The following FOXP1 variants were observed in gnomAD, a reference collection of about 807,000 sequenced individuals.
FOXP1 encodes forkhead box P1.
A neutral mutation model predicts 98.2 loss-of-function variants in FOXP1; 15 were observed. The ratio of observed to expected loss-of-function variants is 0.15; its 90% CI spans 0.10 to 0.24. The LOEUF (loss-of-function observed/expected upper bound fraction) is 0.24. Ranked by LOEUF, FOXP1 falls within the 10% of genes least tolerant of loss-of-function variation. The pLI is 1.00. For missense variants in FOXP1, 633 were observed against 848.5 expected (o/e 0.75, Z 3.15); for synonymous variants, 371 against 314.5 (o/e 1.18, Z -1.90).
At chr3:71,360,925 G>C (rs970928097) in intron 3 of FOXP1, among the ~76,000 whole-genome samples, 1 of 152,198 alleles carries the variant, frequency 6.6e-6, no homozygotes, top group African/African-American at 2.4e-5. Context: ...AGAGTTAAGA[G>C]ATGGTGTTCC....
chr3:71,219,234 A>G (rs996511199), intron 5 of FOXP1, among the ~76,000 whole-genome samples: 3 of 152,150 alleles, frequency 2.0e-5, no homozygotes, highest in Admixed American at 1.3e-4. Flanking sequence ...TGCAACTCCT[A>G]GTCTGGCCAT....
intron 2 of FOXP1, among the ~76,000 whole-genome samples, chr3:71,497,202 C>A (rs185187497): frequency 1.3e-5 from 2 of 152,066 alleles, no homozygotes; most frequent in Non-Finnish European, 2.9e-5. Context: ...CCCCCACCCG[C>A]CTACGTAGAA....
rs866245092 is a variant in FOXP1, at chr3:71,015,571, C to T, written c.952G>A (p.Glu318Lys). 6 of 1,611,582 alleles carry T rather than the reference C, an allele frequency of 3.7e-6. No homozygotes were observed. Among genetic ancestry groups the T allele is most frequent in the Admixed American group, 1.7e-5 (1 of 59,948 alleles). Residue 318 changes from glutamate to lysine, a missense_variant, in exon 12 of 21, where the codon GAA (glutamate) becomes AAA (lysine). Glu to Lys is a moderately conservative substitution (Grantham distance 56, BLOSUM62 1). This residue lies in a region of FOXP1 where 23 missense variants were observed against 92.9 expected (regional missense o/e 0.25). Transcript: ENST00000649528. ...CKWPGCEAVC[E>K]DFQSFLKHLN... is the part of the protein sequence containing the mutation. ...TACTTTAGAAATGATTGGAAATCTT[C>T]GCACACTGCTTCACAGCCTGGCCAC...
chr3:70,995,016 C>T (rs1261184757), intron 13 of FOXP1, among the ~76,000 whole-genome samples: 1 of 152,000 alleles, frequency 6.6e-6, no homozygotes, highest in Non-Finnish European at 1.5e-5. Context: ...TCAATTCTGT[C>T]AGATGTTTTT....
At chr3:70,984,722 G>A (rs2039441183) in intron 14 of FOXP1, among the ~76,000 whole-genome samples, 1 of 152,080 alleles carries the variant, frequency 6.6e-6, no homozygotes, top group South Asian at 2.1e-4. Context: ...AGATGTGATA[G>A]CAAGCAGGAA....
chr3:71,199,763 G>T (rs1048665644), intron 5 of FOXP1, among the ~76,000 whole-genome samples: 2 of 150,492 alleles, frequency 1.3e-5, no homozygotes, highest in Non-Finnish European at 3.0e-5. Context: ...AAAAAATAGG[G>T]TGCAAAATGA....
intron 12 of FOXP1, among the ~76,000 whole-genome samples, chr3:71,014,896 A>G (rs2044214399): frequency 6.6e-6 from 1 of 152,152 alleles, no homozygotes; most frequent in Non-Finnish European, 1.5e-5. Context: ...CAAGGACAGA[A>G]AACCAAACAC....
chr3:71,349,406 C>T (rs919825062), intron 4 of FOXP1, among the ~76,000 whole-genome samples: 1 of 152,156 alleles, frequency 6.6e-6, no homozygotes, highest in Non-Finnish European at 1.5e-5. Context: ...CACAGTGATG[C>T]TTCTACACTG....
chr3:70,990,112 T>C (rs990731610), intron 13 of FOXP1, among the ~76,000 whole-genome samples: 1 of 152,214 alleles, frequency 6.6e-6, no homozygotes, highest in African/African-American at 2.4e-5. Flanking sequence ...GGAACCTCAA[T>C]TGTACCACCC....
At chr3:71,456,172 T>C (rs946306029) in intron 3 of FOXP1, among the ~76,000 whole-genome samples, 6 of 152,202 alleles carry the variant, frequency 3.9e-5, no homozygotes, top group African/African-American at 1.2e-4. Context: ...AGCAAAGATA[T>C]ATGGGGCATA....
chr3:71,569,048 T>C (rs371253893), intron 2 of FOXP1, among the ~76,000 whole-genome samples: 3 of 152,346 alleles, frequency 2.0e-5, no homozygotes, highest in African/African-American at 7.2e-5. Context: ...GAGACCTGGT[T>C]GTCCTAGATT....
intron 2 of FOXP1, among the ~76,000 whole-genome samples, chr3:71,553,265 T>C (rs1457235078): frequency 1.3e-5 from 2 of 152,158 alleles, no homozygotes; most frequent in African/African-American, 2.4e-5. Flanking sequence ...CTGAATATCT[T>C]TGACAAATAT....
intron 6 of FOXP1, among the ~76,000 whole-genome samples, chr3:71,189,906 G>C (rs2062862513): frequency 6.6e-6 from 1 of 152,228 alleles, no homozygotes; most frequent in African/African-American, 2.4e-5. Flanking sequence ...AAGGGATTCA[G>C]ATGGAGGAGG....
chr3:71,051,550 A>C lies in FOXP1; in HGVS notation c.510+987T>G, dbSNP rs1200015172. ...GTAAGACTCCCTGCAAAAGAACAAA[A>C]GTGGCCACCTGCTTAGGGCTGGTGA... On this transcript the variant is annotated intron_variant, in intron 9 of 20. Transcript: ENST00000649528. Among the ~76,000 whole-genome samples the C allele has an allele frequency of 3.9e-5, 6 of 152,202 alleles. No homozygotes were observed. In the East Asian group the frequency reaches 1.2e-3, roughly 29 times the overall value.
At chr3:71,039,404 T>C (rs2048031228) in intron 11 of FOXP1, among the ~76,000 whole-genome samples, 1 of 152,166 alleles carries the variant, frequency 6.6e-6, no homozygotes, top group Non-Finnish European at 1.5e-5. Context: ...CCTTAAGACA[T>C]GAAAAGGGCT....
chr3:71,040,454 A>G (rs571760571), intron 11 of FOXP1: 3 of 152,154 alleles, frequency 2.0e-5, no homozygotes, highest in African/African-American at 4.8e-5. Context: ...AAAGTTTTCA[A>G]TTTTAGGGGC....
At chr3:71,145,139 T>A (rs891752970) in intron 6 of FOXP1, among the ~76,000 whole-genome samples, 1 of 152,232 alleles carries the variant, frequency 6.6e-6, no homozygotes, top group South Asian at 2.1e-4. Context: ...CCACAAACCT[T>A]AGCCTATAGG....
chr3:71,267,794 G>C (rs1421145040), intron 5 of FOXP1, among the ~76,000 whole-genome samples: 1 of 152,134 alleles, frequency 6.6e-6, no homozygotes. Flanking sequence ...GAGGCAGGCA[G>C]ATCACCTGAG....
At chr3:70,991,706 A>T (rs73118209) in intron 13 of FOXP1, among the ~76,000 whole-genome samples, 1 of 152,114 alleles carries the variant, frequency 6.6e-6, no homozygotes, top group South Asian at 2.1e-4. Flanking sequence ...TTGATTTAAC[A>T]GAGGTAAAGG....
Sources: gnomAD v4.1 joint callset for allele counts (sites outside exome capture counted in the v4.1 genomes callset) on GRCh38, gnomAD v4.1.1 for gene constraint, gnomAD v4.1.1 regional missense constraint, MANE v1.5 for transcripts, NCBI Gene and HGNC (gene_info 2026-07-23, HGNC 2026-07-21) for gene names.